ZBTB10: variants seen among roughly 807,000 people sequenced by gnomAD.
The protein encoded by ZBTB10 is zinc finger and BTB domain-containing protein 10.
In ZBTB10, 32 loss-of-function variants were observed where a neutral mutation model predicts 76.4. The observed-to-expected ratio is 0.42, with a 90% CI of 0.32 to 0.56. The LOEUF is 0.56. Among genes scored for constraint, ZBTB10 ranks in the 20% least tolerant of loss-of-function variants. The pLI is 0.14. For synonymous variants in ZBTB10, 523 were observed against 432.9 expected (o/e 1.21, Z -2.58); for missense variants, 1,057 against 1,098.5 (o/e 0.96, Z 0.53).
chr8:80,497,904 C>G (rs1398900518), intron 1 of ZBTB10, among the ~76,000 whole-genome samples: 1 of 152,040 alleles, frequency 6.6e-6, no homozygotes, highest in Non-Finnish European at 1.5e-5. Flanking sequence ...CTCAAATGAT[C>G]TACCCACCTC....
rs747300634 is a variant in ZBTB10 at position 80,519,210 on chromosome 8, C to T, written c.2311-13C>T. 8 of 1,605,236 alleles carry T rather than the reference C, an allele frequency of 5.0e-6. No individual in the cohort carries two copies. The highest frequency in any genetic ancestry group is 6.0e-6 in the Non-Finnish European group (7 of 1,175,660). ...TAATATCCTTATATTGGATTTTTTC[C>T]CCCTCCAATTAGGTGCATAAAAAGG... On this transcript the variant is annotated splice_polypyrimidine_tract_variant and intron_variant, in intron 5 of 5. Transcript: ENST00000455036.
chr8:80,497,179 C>T (rs1815804044), intron 1 of ZBTB10, among the ~76,000 whole-genome samples: 1 of 151,958 alleles, frequency 6.6e-6, no homozygotes, highest in South Asian at 2.1e-4. Flanking sequence ...ATTGTTCATT[C>T]CTCTTTGCTA....
chr8:80,486,615 GGCAGCGGACGCGT>G lies in ZBTB10; in HGVS notation c.-190_-178del. 1 of 987,642 alleles carries G rather than the reference GGCAGCGGACGCGT, an allele frequency of 1.0e-6. No homozygotes were observed. The highest frequency in any genetic ancestry group is 4.7e-5 in the South Asian group (1 of 21,432). The allele number at this position is 987,642 out of a possible 1,614,324, so 61.2% of individuals were successfully genotyped here. On this transcript the variant is annotated 5_prime_UTR_variant, in exon 1 of 6. Transcript: ENST00000455036. ...GAGGCGTCGGCCCGGCAGCGGCAGCGGCAGCGGACGCGTGCAGCAGACCCGGGAGCGAGCGCGA... is the reference window on the plus strand; with the variant it reads ...GAGGCGTCGGCCCGGCAGCGGCAGCGGCAGCAGACCCGGGAGCGAGCGCGA...
At chr8:80,493,439 G>A (rs1316729660) in intron 1 of ZBTB10, among the ~76,000 whole-genome samples, 1 of 152,170 alleles carries the variant, frequency 6.6e-6, no homozygotes, top group Non-Finnish European at 1.5e-5. Context: ...TATCAAATGT[G>A]TATGTGTTTC....
intron 2 of ZBTB10, among the ~76,000 whole-genome samples, chr8:80,509,067 G>A (rs932330735): frequency 4.6e-5 from 7 of 152,128 alleles, no homozygotes; most frequent in Non-Finnish European, 1.0e-4. Context: ...ATGAGTTTGC[G>A]AGTGAAAGGG....
At chr8:80,490,809 C>T (rs915370715) in intron 1 of ZBTB10, among the ~76,000 whole-genome samples, 3 of 152,208 alleles carry the variant, frequency 2.0e-5, no homozygotes, top group Non-Finnish European at 4.4e-5. Flanking sequence ...AATTTGGCCA[C>T]ATCTTAACAC....
intron 2 of ZBTB10, among the ~76,000 whole-genome samples, chr8:80,508,690 A>C (rs1816117667): frequency 6.6e-6 from 1 of 152,204 alleles, no homozygotes; most frequent in Admixed American, 6.5e-5. Context: ...GAGGGGAAGA[A>C]GAGCATTCGT....
At chr8:80,518,082 G>T (rs1269028068) in intron 3 of ZBTB10, among the ~76,000 whole-genome samples, 1 of 151,590 alleles carries the variant, frequency 6.6e-6, no homozygotes, top group African/African-American at 2.4e-5. Flanking sequence ...GCCCAGGCTG[G>T]TTGCAAACTC....
At chr8:80,505,246 T>TA (rs555942980) in intron 2 of ZBTB10, among the ~76,000 whole-genome samples, 2 of 152,182 alleles carry the variant, frequency 1.3e-5, no homozygotes, top group African/African-American at 2.4e-5. Context: ...GAGAAAAACA[T>TA]ACCAGTTCTA....
rs1816392346 is a variant in ZBTB10, at chr8:80,518,797, T to C, written c.2153T>C (p.Ile718Thr). The C allele has an allele frequency of 1.2e-6, 2 of 1,611,136 alleles. No individual in the cohort carries two copies. The highest frequency in any genetic ancestry group is 1.3e-5 in the African/African-American group (1 of 74,814). ...ETWENGESSL[I>T]MNKLKCPHCS... ...ATTCTCATAGGTGAATCATCTCTAA[T>C]CATGAACAAGTTAAAATGCCCTCAT... Residue 718 changes from isoleucine to threonine, a missense_variant, in exon 5 of 6, where the codon ATC (isoleucine) becomes ACC (threonine). Ile to Thr is a moderately conservative substitution (Grantham distance 89, BLOSUM62 -1). Transcript: ENST00000455036.
At chr8:80,493,670 A>C (rs573840563) in intron 1 of ZBTB10, among the ~76,000 whole-genome samples, 138 of 151,194 alleles carry the variant, frequency 9.1e-4, no homozygotes, top group African/African-American at 2.6e-3. Context: ...AACAAAACAA[A>C]AAAAAAAAAC....
At chr8:80,506,359 A>G (rs985595829) in intron 2 of ZBTB10, among the ~76,000 whole-genome samples, 3 of 151,094 alleles carry the variant, frequency 2.0e-5, no homozygotes, top group African/African-American at 4.9e-5. Context: ...CTTGTTGCCC[A>G]GGCTGGAGTG....
intron 1 of ZBTB10, among the ~76,000 whole-genome samples, chr8:80,493,645 C>T (rs571185845): frequency 1.1e-4 from 16 of 148,922 alleles, no homozygotes; most frequent in African/African-American, 3.0e-4. Flanking sequence ...GGAGAAACCC[C>T]GTCTCTAATT....
chr8:80,505,757 G>A (rs1437690336), intron 2 of ZBTB10, among the ~76,000 whole-genome samples: 1 of 151,938 alleles, frequency 6.6e-6, no homozygotes, highest in East Asian at 1.9e-4. Context: ...TTGAGGCAGA[G>A]TCTTGCTCTG....
At chr8:80,493,209 A>G (rs55832593) in intron 1 of ZBTB10, among the ~76,000 whole-genome samples, 11,355 of 71,530 alleles carry the variant, frequency 0.16, 571 homozygotes, top group African/African-American at 0.31. Context: ...GCGCGCGCGC[A>G]CACACACACA....
chr8:80,503,250 C>T (rs1357377513), intron 2 of ZBTB10, among the ~76,000 whole-genome samples: 1 of 152,142 alleles, frequency 6.6e-6, no homozygotes, highest in East Asian at 1.9e-4. Context: ...AACTCTTGGT[C>T]ATGGCAATCC....
rs913811560 is a variant in ZBTB10 at position 80,523,061 on chromosome 8, C to T, written c.*3533C>T. The T allele has an allele frequency of 2.6e-5, 4 of 151,440 alleles. No individual in the cohort carries two copies. Among genetic ancestry groups the T allele is most frequent in the East Asian group, 1.9e-4 (1 of 5,192 alleles). 9.4% of individuals were successfully genotyped at this position (151,440 alleles called of 1,614,324 possible). A position where few individuals can be genotyped will look rare whatever the true frequency, so the allele number is the denominator to read the frequency against. Reference sequence around the variant, plus strand: ...TTTTTTTTTGAGTGCCCACACTTGCCGTTGTGCTGTATACATGATTTTACC... The same window carrying T: ...TTTTTTTTTGAGTGCCCACACTTGCTGTTGTGCTGTATACATGATTTTACC... On this transcript the variant is annotated 3_prime_UTR_variant, in exon 6 of 6. Transcript: ENST00000455036.
Position 80,520,799 on chromosome 8 carries a change from G to T in ZBTB10, c.*1271G>T, listed in dbSNP as rs553547551. ...TTTATTATTCTATAAATTCTTCAGG[G>T]TACAAAGGGTGACATATTGAGGTGA... is the stretch of plus-strand genomic sequence containing the variant. On this transcript the variant is annotated 3_prime_UTR_variant, in exon 6 of 6. Coordinates refer to ENST00000455036, the MANE Select transcript of ZBTB10 (RefSeq NM_001105539.3). 1 of 149,318 alleles carries T rather than the reference G, an allele frequency of 6.7e-6. No homozygotes were observed. The highest frequency in any genetic ancestry group is 2.1e-4 in the South Asian group (1 of 4,736). The allele number at this position is 149,318 out of a possible 1,614,324, so 9.2% of individuals were successfully genotyped here.
intron 2 of ZBTB10, among the ~76,000 whole-genome samples, chr8:80,510,484 A>T (rs1341680361): frequency 6.6e-6 from 1 of 152,204 alleles, no homozygotes; most frequent in Non-Finnish European, 1.5e-5. Flanking sequence ...CATTTTTGTT[A>T]TAGGGGTTGC....
Sources: allele counts gnomAD v4.1 joint callset (sites outside exome capture counted in the v4.1 genomes callset), GRCh38; gene constraint gnomAD v4.1.1; transcripts MANE v1.5; gene names NCBI Gene and HGNC (gene_info 2026-07-23, HGNC 2026-07-21).